The following KATNIP variants were observed in gnomAD, a reference collection of about 807,000 sequenced individuals.
The protein encoded by KATNIP is katanin-interacting protein.
KATNIP carries 126 observed loss-of-function variants against 174.0 expected under a neutral mutation model. The ratio of observed to expected loss-of-function variants is 0.72; its 90% confidence interval spans 0.63 to 0.84. KATNIP has a LOEUF of 0.84. KATNIP is among the 40% of genes least tolerant of loss of function. KATNIP has a pLI of 0.00. For synonymous variants in KATNIP, 810 were observed against 835.7 expected, an observed-to-expected ratio of 0.97 and a Z score of 0.53; for missense variants, 1,958 against 2,109.7, an observed-to-expected ratio of 0.93 and a Z score of 1.41.
intron 14 of KATNIP, among the ~76,000 whole-genome samples, chr16:27,730,002 G>A (rs989257990): frequency 6.6e-5 from 10 of 152,226 alleles, no homozygotes; most frequent in Admixed American, 4.6e-4. Context: ...AAGCCCAGGC[G>A]TTGTGCTGGG....
intron 3 of KATNIP, among the ~76,000 whole-genome samples, chr16:27,628,257 C>T (rs1161063736): frequency 6.6e-6 from 1 of 152,208 alleles, no homozygotes; most frequent in Non-Finnish European, 1.5e-5. Flanking sequence ...CTTTTTGTTA[C>T]ACATCAAACA....
At chr16:27,648,567 T>C (rs986750109) in intron 5 of KATNIP, 37 bp from the exon 6 acceptor site, 3 of 1,612,458 alleles carry the variant, frequency 1.9e-6, no homozygotes. Context: ...GAAGACCTCA[T>C]TCCACCTTAT....
At chr16:27,617,482 T>G (rs2076074855) in intron 2 of KATNIP, among the ~76,000 whole-genome samples, 1 of 152,192 alleles carries the variant, frequency 6.6e-6, no homozygotes, top group African/African-American at 2.4e-5. Context: ...CCTATGTTGA[T>G]TGGCAAGGCC....
At chr16:27,775,117 G>A (rs1172886499) in intron 24 of KATNIP, 33 bp downstream of exon 24, 1 of 1,597,722 alleles carries the variant, frequency 6.3e-7, no homozygotes, top group South Asian at 1.1e-5. Flanking sequence ...CGCAGCTCCT[G>A]GCCCTCAGGC....
At chr16:27,662,048 A>G (rs1294188819) in intron 6 of KATNIP, among the ~76,000 whole-genome samples, 2 of 35,960 alleles carry the variant, frequency 5.6e-5, no homozygotes, top group Admixed American at 6.4e-4. Flanking sequence ...ATATACACAT[A>G]CATATATATA....
chr16:27,581,942 G>A (rs772451012), intron 2 of KATNIP, among the ~76,000 whole-genome samples: 1 of 152,130 alleles, frequency 6.6e-6, no homozygotes, highest in Non-Finnish European at 1.5e-5. Flanking sequence ...TTATGGCTGA[G>A]TAGTATTCCA....
intron 6 of KATNIP, among the ~76,000 whole-genome samples, chr16:27,674,130 ATAAT>A (rs1225786658): frequency 2.0e-5 from 3 of 152,170 alleles, no homozygotes; most frequent in African/African-American, 4.8e-5. Flanking sequence ...GGCAACAGAG[ATAAT>A]TAATTAATTT....
chr16:27,629,165 CAAAAAAAAAA>C (rs1169255800), intron 4 of KATNIP, among the ~76,000 whole-genome samples: 1 of 63,974 alleles, frequency 1.6e-5, no homozygotes, highest in South Asian at 5.5e-4. Context: ...GAGACTCTGT[CAAAAAAAAAA>C]AAAAAAAAAT....
chr16:27,696,791 C>T (rs146695095), intron 8 of KATNIP, among the ~76,000 whole-genome samples: 40 of 150,418 alleles, frequency 2.7e-4, no homozygotes, highest in African/African-American at 9.1e-4. Flanking sequence ...TGCAATGGTG[C>T]GATCTCGGCT....
At chr16:27,574,843 A>T (rs936312042) in intron 2 of KATNIP, among the ~76,000 whole-genome samples, 3 of 151,918 alleles carry the variant, frequency 2.0e-5, no homozygotes, top group Non-Finnish European at 2.9e-5. Context: ...GAGCCACCAC[A>T]CCCGGCCCCA....
rs771902394 is a variant in KATNIP at position 27,749,929 on chromosome 16, A to G, written c.2969A>G (p.Tyr990Cys). The G allele has an allele frequency of 3.1e-6, 5 of 1,614,072 alleles. No individual in the cohort carries two copies. The African/African-American group carries it at 5.3e-5, about 17-fold the overall frequency. Residue 990 changes from tyrosine (Y) to cysteine (C), a missense_variant, in exon 16 of 28, where the codon TAT (tyrosine) becomes TGT (cysteine). Transcript: ENST00000261588. ...AAGTCTACCTGGGGGGACAGACACT[A>G]TGTCGGCCTCAACGGAATAGAAATA... ...DIKSTWGDRHYVGLNGIEIFS... is the reference protein window; with the variant it reads ...DIKSTWGDRHCVGLNGIEIFS...
chr16:27,736,051 G>A (rs1769724564), intron 14 of KATNIP, among the ~76,000 whole-genome samples: 1 of 152,194 alleles, frequency 6.6e-6, no homozygotes, highest in African/African-American at 2.4e-5. Flanking sequence ...CACCCAGGCT[G>A]GAGTACAATG....
At chr16:27,691,100 G>A (rs1339073360) in intron 8 of KATNIP, among the ~76,000 whole-genome samples, 1 of 152,126 alleles carries the variant, frequency 6.6e-6, no homozygotes. Flanking sequence ...CATTTCGGTG[G>A]CTTCCCAGGT....
chr16:27,553,773 C>A (rs2089492921), intron 1 of KATNIP, among the ~76,000 whole-genome samples: 1 of 152,122 alleles, frequency 6.6e-6, no homozygotes, highest in African/African-American at 2.4e-5. Context: ...GAGGTCAAGA[C>A]CAGCCTGGGC....
intron 17 of KATNIP, 91 bp from the exon 18 acceptor site, chr16:27,754,082 C>A: frequency 9.9e-7 from 1 of 1,006,264 alleles, no homozygotes; most frequent in South Asian, 1.4e-5. Flanking sequence ...ATAGGGTGGG[C>A]AGTGGTAAAT....
chr16:27,771,372 G>A (rs961171716), intron 21 of KATNIP, among the ~76,000 whole-genome samples: 2 of 152,080 alleles, frequency 1.3e-5, no homozygotes, highest in South Asian at 2.1e-4. Context: ...CCTGAGCCCC[G>A]TGCCTCCCTG....
intron 5 of KATNIP, among the ~76,000 whole-genome samples, chr16:27,636,569 A>C (rs2076642229): frequency 6.6e-6 from 1 of 151,038 alleles, no homozygotes; most frequent in African/African-American, 2.4e-5. Flanking sequence ...TGGCTGTGTA[A>C]CCTCTCTGAG....
rs1443605279 is a variant in KATNIP, at chr16:27,740,940, C to A, written c.2623+20C>A. The A allele has an allele frequency of 1.3e-6, 2 of 1,566,842 alleles. No homozygotes were observed. The highest frequency in any genetic ancestry group is 1.2e-5 in the South Asian group (1 of 85,358). On this transcript the variant is annotated intron_variant, in intron 15 of 27. Coordinates refer to ENST00000261588, the MANE Select transcript of KATNIP (RefSeq NM_015202.5). ...GCAGAGGTAAGCTCCAAAGAGCAGC[C>A]CGACTTGGGCATCATCATCCCAGCC...
intron 14 of KATNIP, among the ~76,000 whole-genome samples, chr16:27,736,109 T>G (rs2080885794): frequency 6.6e-6 from 1 of 152,204 alleles, no homozygotes; most frequent in African/African-American, 2.4e-5. Flanking sequence ...TTCAAGTGAT[T>G]CTCCTGCCTC....
Sources: allele counts gnomAD v4.1 joint callset (sites outside exome capture counted in the v4.1 genomes callset), GRCh38; gene constraint gnomAD v4.1.1; transcripts MANE v1.5; gene names NCBI Gene and HGNC (gene_info 2026-07-23, HGNC 2026-07-21).